CDH13: variants seen among roughly 807,000 people sequenced by gnomAD.
CDH13 encodes the protein cadherin-13.
Under a neutral mutation model 63.8 loss-of-function variants are expected in CDH13, and 24 were observed. That is an observed-to-expected ratio of 0.38 (90% confidence interval 0.27 to 0.53). CDH13 has a LOEUF of 0.53. Ranked by LOEUF, CDH13 falls within the 20% of genes least tolerant of loss-of-function variation. The probability of loss-of-function intolerance (pLI) is 0.85; values close to 1 mark genes in which losing one functional copy is unlikely to be tolerated. For missense variants in CDH13, 1,049 were observed against 903.1 expected (o/e 1.16, Z -2.07); for synonymous variants, 503 against 355.3 (o/e 1.42, Z -4.67).
At chr16:83,083,617 G>T (rs2033402851) in intron 3 of CDH13, among the ~76,000 whole-genome samples, 1 of 152,108 alleles carries the variant, frequency 6.6e-6, no homozygotes, top group Non-Finnish European at 1.5e-5. Context: ...CCAATAACAT[G>T]AAATATGGAA....
chr16:83,483,265 G>A (rs1202203571), intron 6 of CDH13, among the ~76,000 whole-genome samples: 2 of 152,162 alleles, frequency 1.3e-5, no homozygotes, highest in East Asian at 1.9e-4. Flanking sequence ...ATGCATTCGT[G>A]TCTGGGTGAA....
chr16:83,155,380 A>G (rs966080706), intron 4 of CDH13, among the ~76,000 whole-genome samples: 27 of 152,304 alleles, frequency 1.8e-4, no homozygotes, highest in Admixed American at 1.6e-3. Context: ...AGAGGTTGAA[A>G]GGCCAAGAAT....
At position 82,692,179 on chromosome 16, in the gene CDH13, A is replaced by T. The variant is rs1220528480; in HGVS notation, c.45+65042A>T. Among the ~76,000 whole-genome samples the T allele has an allele frequency of 4.6e-5, 7 of 152,338 alleles. No homozygotes were observed. The East Asian group carries it at 1.4e-3, about 29-fold the overall frequency. On this transcript the variant is annotated intron_variant, in intron 1 of 13. Transcript: ENST00000567109. ...GCTTAGGAGTGTAAGCTGCAGGAAG[A>T]AATAGGCAGAGAAGCTGGGATAGTT...
chr16:83,626,597 A>G (rs148517678), intron 8 of CDH13, among the ~76,000 whole-genome samples: 60 of 151,892 alleles, frequency 4.0e-4, no homozygotes, highest in African/African-American at 1.4e-3. Flanking sequence ...TTATCTCTGA[A>G]TGGTTCCTTT....
At chr16:83,144,975 A>T (rs2036685476) in intron 4 of CDH13, among the ~76,000 whole-genome samples, 1 of 152,224 alleles carries the variant, frequency 6.6e-6, no homozygotes, top group African/African-American at 2.4e-5. Context: ...CCTTCTTAGC[A>T]TCCTGGGGCT....
chr16:83,378,905 G>A (rs554961635), intron 6 of CDH13, among the ~76,000 whole-genome samples: 15 of 151,978 alleles, frequency 9.9e-5, no homozygotes, highest in East Asian at 3.9e-4. Context: ...CTAAACTTGT[G>A]GTCCACCAGA....
intron 1 of CDH13, among the ~76,000 whole-genome samples, chr16:82,687,911 C>T (rs903183489): frequency 4.6e-5 from 7 of 152,072 alleles, no homozygotes; most frequent in African/African-American, 1.7e-4. Context: ...CAAGGGGATC[C>T]AAGGCACCTC....
At chr16:83,733,187 G>T (rs188255198) in intron 10 of CDH13, among the ~76,000 whole-genome samples, 53 of 152,310 alleles carry the variant, frequency 3.5e-4, no homozygotes, top group African/African-American at 1.3e-3. Context: ...CTGGGAATGT[G>T]TGATTCTGAG....
At position 82,858,404 on chromosome 16, in the gene CDH13, G is replaced by A. The variant is rs1290559237; in HGVS notation, c.88G>A (p.Gly30Arg). 1 of 1,613,812 alleles carries A rather than the reference G, an allele frequency of 6.2e-7. No homozygotes were observed. Residue 30 changes from glycine to arginine, a missense_variant, in exon 2 of 14, where the codon GGA becomes AGA. By Grantham distance (125) the Gly-to-Arg change is moderately radical. Coordinates refer to ENST00000567109, the MANE Select transcript of CDH13 (RefSeq NM_001257.5). ...TSAEDLDCTPGFQQKVFHINQ... is the reference protein window; with the variant it reads ...TSAEDLDCTPRFQQKVFHINQ... ...TGCAGAAGATTTGGACTGCACTCCT[G>A]GATTTCAGCAGAAAGTGTTCCATAT... is the stretch of plus-strand genomic sequence containing the variant.
At chr16:83,119,612 C>T (rs376401558) in intron 3 of CDH13, among the ~76,000 whole-genome samples, 2 of 152,168 alleles carry the variant, frequency 1.3e-5, no homozygotes, top group African/African-American at 2.4e-5. Flanking sequence ...TTTTTGTCAC[C>T]ACCATTTTTG....
chr16:83,036,517 G>A (rs186922362), intron 3 of CDH13, among the ~76,000 whole-genome samples: 3 of 152,096 alleles, frequency 2.0e-5, no homozygotes, highest in Admixed American at 6.5e-5. Context: ...CCTGCACAAT[G>A]TTCACTCCCA....
intron 10 of CDH13, among the ~76,000 whole-genome samples, chr16:83,718,837 C>A (rs577997838): frequency 6.6e-6 from 1 of 152,164 alleles, no homozygotes; most frequent in African/African-American, 2.4e-5. Flanking sequence ...TATGACCACC[C>A]TGTATTCTTC....
intron 6 of CDH13, among the ~76,000 whole-genome samples, chr16:83,438,258 A>C (rs1318807014): frequency 6.6e-6 from 1 of 152,230 alleles, no homozygotes; most frequent in Non-Finnish European, 1.5e-5. Flanking sequence ...ACCATGCTCC[A>C]TCACCCCAAC....
chr16:83,058,544 A>G (rs2031191308), intron 3 of CDH13, among the ~76,000 whole-genome samples: 1 of 152,184 alleles, frequency 6.6e-6, no homozygotes, highest in Non-Finnish European at 1.5e-5. Flanking sequence ...CATGTTGCCA[A>G]GAGATGGCAT....
At chr16:83,353,424 A>G (rs1235179672) in intron 6 of CDH13, among the ~76,000 whole-genome samples, 1 of 152,206 alleles carries the variant, frequency 6.6e-6, no homozygotes, top group Non-Finnish European at 1.5e-5. Context: ...ACCATTGCAC[A>G]TGTTAGGACC....
At chr16:83,669,235 T>C (rs12443897) in intron 8 of CDH13, among the ~76,000 whole-genome samples, 55,002 of 151,922 alleles carry the variant, frequency 0.36, 10,359 homozygotes, top group East Asian at 0.49. Flanking sequence ...GCAGTTTCTC[T>C]TTCATCAGCC....
chr16:83,153,805 C>G (rs996582963), intron 4 of CDH13, among the ~76,000 whole-genome samples: 5 of 152,170 alleles, frequency 3.3e-5, no homozygotes, highest in African/African-American at 1.2e-4. Context: ...TTAAGCCACT[C>G]ACTTTGTGGC....
chr16:83,368,967 G>A (rs2091310924), intron 6 of CDH13, among the ~76,000 whole-genome samples: 2 of 112,852 alleles, frequency 1.8e-5, no homozygotes, highest in Non-Finnish European at 1.7e-5. Context: ...TTCATTGATT[G>A]ATGGGCACTT....
intron 4 of CDH13, among the ~76,000 whole-genome samples, chr16:83,152,471 T>C (rs923088904): frequency 2.0e-4 from 30 of 152,234 alleles, no homozygotes; most frequent in African/African-American, 7.2e-4. Context: ...ATGTTGACAG[T>C]AGGGTTTAAA....
Sources: allele counts gnomAD v4.1 joint callset (sites outside exome capture counted in the v4.1 genomes callset), GRCh38; gene constraint gnomAD v4.1.1; transcripts MANE v1.5; gene names NCBI Gene and HGNC (gene_info 2026-07-23, HGNC 2026-07-21).